Variants in IL4I1 observed in about 807,000 individuals in gnomAD.
IL4I1 encodes L-amino-acid oxidase.
Under a neutral mutation model 29.7 loss-of-function variants are expected in IL4I1, and 24 were observed. That is an observed-to-expected ratio of 0.81 (90% confidence interval 0.59 to 1.14). The LOEUF (loss-of-function observed/expected upper bound fraction) is 1.14. IL4I1 is among the 50% of genes most tolerant of loss of function. The pLI is 0.00. For missense variants in IL4I1, 686 were observed against 785.6 expected, an observed-to-expected ratio of 0.87 and a Z score of 1.52; for synonymous variants, 371 against 352.5, an observed-to-expected ratio of 1.05 and a Z score of -0.59.
intron 2 of IL4I1, among the ~76,000 whole-genome samples, chr19:49,916,500 G>A (rs574629174): frequency 3.3e-5 from 5 of 151,816 alleles, no homozygotes; most frequent in East Asian, 1.9e-4. Flanking sequence ...TAGGCCAGGC[G>A]CGGTGGCTCA....
At chr19:49,913,598 T>A (rs1404611636) in intron 2 of IL4I1, among the ~76,000 whole-genome samples, 1 of 152,246 alleles carries the variant, frequency 6.6e-6, no homozygotes, top group Non-Finnish European at 1.5e-5. Context: ...TCCGCGGGAC[T>A]CTCTCTACCT....
chr19:49,925,145 T>C (rs980956075), intron 2 of IL4I1, among the ~76,000 whole-genome samples: 4 of 151,602 alleles, frequency 2.6e-5, no homozygotes, highest in African/African-American at 7.3e-5. Context: ...CCTGTAATCC[T>C]AGCTACTCGG....
intron 1 of IL4I1, chr19:49,928,507 AGAGACTCCGTCTC>A (rs2075966922): frequency 7.0e-6 from 1 of 143,630 alleles, no homozygotes; most frequent in African/African-American, 2.5e-5. Context: ...ACAGAGACGG[AGAGACTCCGTCTC>A]AAAAAAAAAA....
chr19:49,890,241 C>A lies in IL4I1; in HGVS notation c.1133G>T (p.Arg378Leu), dbSNP rs767846871. 1 of 1,563,238 alleles carries A rather than the reference C, an allele frequency of 6.4e-7. No homozygotes were observed. Among genetic ancestry groups the A allele is most frequent in the African/African-American group, 1.4e-5 (1 of 73,582 alleles). The change falls in exon 8 of 8, where the codon CGC (arginine) becomes CTC (leucine). Residue 378 changes from arginine (R) to leucine (L), a missense_variant. Physicochemically the swap from Arg to Leu is moderately radical, Grantham distance 102. Transcript: ENST00000391826. Reference sequence around the variant, plus strand: ...CGGGTAGAAAATCATGCGCGACGGGCGATCGGTGTTTGAGTGGCCGCCTTC... The same window carrying A: ...CGGGTAGAAAATCATGCGCGACGGGAGATCGGTGTTTGAGTGGCCGCCTTC... ...HIEGGHSNTD[R>L]PSRMIFYPPP...
At chr19:49,894,551 G>A in intron 4 of IL4I1, 82 bp from the exon 5 acceptor site, 1 of 1,122,656 alleles carries the variant, frequency 8.9e-7, no homozygotes, top group Non-Finnish European at 1.3e-6. Flanking sequence ...AAGAGGGGTG[G>A]GAGGGGAGAG....
chr19:49,920,997 G>T (rs370017080), intron 2 of IL4I1, among the ~76,000 whole-genome samples: 1 of 152,196 alleles, frequency 6.6e-6, no homozygotes. Context: ...TGGGAACCAG[G>T]TGAAGGCAGC....
intron 2 of IL4I1, among the ~76,000 whole-genome samples, chr19:49,920,383 G>A (rs2075736687): frequency 6.6e-6 from 1 of 152,188 alleles, no homozygotes; most frequent in Non-Finnish European, 1.5e-5. Flanking sequence ...GCCCGGCCTA[G>A]GAGTTTCTTT....
chr19:49,891,118 G>A lies in IL4I1; in HGVS notation c.637-11C>T. 6.2e-7 allele frequency: 1 copy of A among 1,610,554 alleles called. No individual in the cohort carries two copies. Among genetic ancestry groups the A allele is most frequent in the Non-Finnish European group, 8.5e-7 (1 of 1,178,696 alleles). ...CCCGAGAAGATATTCCTGCAGGTTG[G>A]GCACAGGCCGAGGTTAGGGCCCAGG... is the stretch of plus-strand genomic sequence containing the variant. On this transcript the variant is annotated splice_polypyrimidine_tract_variant and intron_variant, in intron 6 of 7. Transcript: ENST00000391826.
At chr19:49,924,933 C>T (rs1366142636) in intron 2 of IL4I1, among the ~76,000 whole-genome samples, 1 of 152,180 alleles carries the variant, frequency 6.6e-6, no homozygotes, top group Non-Finnish European at 1.5e-5. Context: ...ACATAGCCAG[C>T]AATGCAATTC....
upstream of IL4I1, among the ~76,000 whole-genome samples, chr19:49,900,395 C>G (rs1260572926): frequency 2.0e-5 from 3 of 152,126 alleles, no homozygotes; most frequent in Non-Finnish European, 2.9e-5. Flanking sequence ...AAGTGATTCT[C>G]CTGCCTCAGC....
chr19:49,905,615 A>G (rs1387111132), intron 2 of IL4I1, among the ~76,000 whole-genome samples: 1 of 152,154 alleles, frequency 6.6e-6, no homozygotes. Context: ...TATTTATTTG[A>G]GACGAAGTTT....
chr19:49,908,582 G>A, intron 2 of IL4I1: 2 of 1,614,100 alleles, frequency 1.2e-6, no homozygotes, highest in South Asian at 1.1e-5. Flanking sequence ...CTCCTCCAGT[G>A]GGCTCAGCAG....
intron 2 of IL4I1, among the ~76,000 whole-genome samples, chr19:49,912,581 T>C (rs1204906183): frequency 6.6e-6 from 1 of 151,512 alleles, no homozygotes. Context: ...AGTTTAGATA[T>C]GGCCAGGTGA....
At chr19:49,897,286 C>T (rs1269013623), upstream of IL4I1, among the ~76,000 whole-genome samples, 1 of 152,198 alleles carries the variant, frequency 6.6e-6, no homozygotes, top group Non-Finnish European at 1.5e-5. Context: ...AGTCCCTCTC[C>T]GTCAGGTGTC....
chr19:49,909,186 G>C lies in IL4I1; in HGVS notation c.-227-4865C>G, dbSNP rs768832419. ...CTGGTGATGGTGGCTGTGGGTGTGG[G>C]AGCAGCTGGCTGTGTGGCACCTGCT... On this transcript the variant is annotated intron_variant, in intron 2 of 9. Transcript: ENST00000341114. The C allele has an allele frequency of 7.6e-5, 123 of 1,613,702 alleles. No homozygotes were observed. The highest frequency in any genetic ancestry group is 9.7e-5 in the Non-Finnish European group (114 of 1,179,876).
intron 2 of IL4I1, chr19:49,909,551 G>C: frequency 6.2e-7 from 1 of 1,614,206 alleles, no homozygotes; most frequent in Non-Finnish European, 8.5e-7. Context: ...AGAAAATCCA[G>C]TTCCCCCCGA....
intron 5 of IL4I1, among the ~76,000 whole-genome samples, chr19:49,892,622 C>T (rs1189489122): frequency 1.3e-5 from 2 of 152,172 alleles, no homozygotes; most frequent in African/African-American, 2.4e-5. Flanking sequence ...GCACTTTGTT[C>T]GAATCTCACC....
chr19:49,889,727 A>C lies in IL4I1; in HGVS notation c.1647T>G (p.Pro549=), dbSNP rs2075102499. Residue 549 remains proline (P), a synonymous_variant, in exon 8 of 8, where the codon CCT becomes CCG. Transcript: ENST00000391826. ...HDLAKEEGSH[P]PVQGQLSLQN... ...GGAGAGATAACTGGCCTTGGACTGG[A>C]GGGTGGCTGCCTTCTTCCTTTGCCA... 1 of 1,515,336 alleles carries C rather than the reference A, an allele frequency of 6.6e-7. No individual in the cohort carries two copies. Among genetic ancestry groups the C allele is most frequent in the African/African-American group, 1.4e-5 (1 of 71,608 alleles). The allele number at this position is 1,515,336 out of a possible 1,614,324, so 93.9% of individuals were successfully genotyped here. A position where few individuals can be genotyped will look rare whatever the true frequency, so the allele number is the denominator to read the frequency against.
At chr19:49,890,671 C>T (rs1364581472) in intron 7 of IL4I1, 71 bp from the exon 8 acceptor site, 2 of 1,339,110 alleles carry the variant, frequency 1.5e-6, no homozygotes, top group African/African-American at 1.5e-5. Context: ...CCTTGCCCCA[C>T]CCACCCCGGC....
Sources: gnomAD v4.1 joint callset for allele counts (sites outside exome capture counted in the v4.1 genomes callset) on GRCh38, gnomAD v4.1.1 for gene constraint, MANE v1.5 for transcripts, NCBI Gene and HGNC (gene_info 2026-07-23, HGNC 2026-07-21) for gene names.